SLC9A9: variants seen among roughly 807,000 people sequenced by gnomAD.
The protein encoded by SLC9A9 is solute carrier family 9 member A9.
A neutral mutation model predicts 77.8 loss-of-function variants in SLC9A9; 62 were observed. The observed-to-expected ratio is 0.80, with a 90% CI of 0.65 to 0.98. SLC9A9 has a LOEUF of 0.98. SLC9A9 is among the 50% of genes least tolerant of loss of function. SLC9A9 has a pLI of 0.00. For synonymous variants in SLC9A9, 320 were observed against 283.5 expected (o/e 1.13, Z -1.29); for missense variants, 775 against 774.9 (o/e 1.00, Z 0.00).
intron 6 of SLC9A9, chr3:143,627,610 T>C: frequency 6.4e-6 from 2 of 313,074 alleles, no homozygotes; most frequent in South Asian, 7.6e-5. Context: ...AAAATGAAAT[T>C]GGAAGAGCCA....
Position 143,848,202 on chromosome 3 carries a change from A to G in SLC9A9, c.121T>C (p.Phe41Leu). The G allele has an allele frequency of 1.9e-6, 3 of 1,614,044 alleles. No homozygotes were observed. Among genetic ancestry groups the G allele is most frequent in the Non-Finnish European group, 2.5e-6 (3 of 1,179,942 alleles). ...AAGAAGCGGAATCGATGATTTTTAA[A>G]TAACCAGATTGTCAAAATGGTAAGG... ...LILTILTIWL[F>L]KNHRFRFLHE... The change falls in exon 1 of 16, where the codon TTT (phenylalanine) becomes CTT (leucine). Residue 41 changes from phenylalanine to leucine, a missense_variant. Phe to Leu is a conservative substitution (Grantham distance 22, BLOSUM62 0). Transcript: ENST00000316549.
chr3:143,729,152 A>C (rs72993546), intron 4 of SLC9A9, among the ~76,000 whole-genome samples: 4,266 of 152,172 alleles, frequency 0.028, 204 homozygotes, highest in African/African-American at 0.098. Context: ...ATTTTTTAAA[A>C]CTTAACTTAT....
At chr3:143,549,512 CA>C (rs2036845079) in intron 9 of SLC9A9, among the ~76,000 whole-genome samples, 3 of 152,070 alleles carry the variant, frequency 2.0e-5, no homozygotes, top group South Asian at 2.1e-4. Flanking sequence ...CAGGCACCCC[CA>C]AAAAAAGGCA....
At chr3:143,781,975 T>C (rs1288016864) in intron 4 of SLC9A9, among the ~76,000 whole-genome samples, 1 of 152,204 alleles carries the variant, frequency 6.6e-6, no homozygotes, top group Non-Finnish European at 1.5e-5. Context: ...CTAAATCAGG[T>C]TGAACACCTC....
chr3:143,603,715 T>A (rs1484679784), intron 6 of SLC9A9, among the ~76,000 whole-genome samples: 1 of 152,188 alleles, frequency 6.6e-6, no homozygotes, highest in Non-Finnish European at 1.5e-5. Context: ...TGTGAGATCA[T>A]AAATGTTTGC....
chr3:143,739,671 C>T (rs964635966), intron 4 of SLC9A9, among the ~76,000 whole-genome samples: 9 of 152,178 alleles, frequency 5.9e-5, no homozygotes, highest in Non-Finnish European at 1.0e-4. Context: ...GAAGCTTTTG[C>T]CTTCAGGCAA....
chr3:143,377,518 G>A (rs182997475), intron 13 of SLC9A9, among the ~76,000 whole-genome samples: 5 of 152,216 alleles, frequency 3.3e-5, no homozygotes, highest in Admixed American at 2.6e-4. Flanking sequence ...TGACCAGAAC[G>A]GATCCACCCA....
intron 8 of SLC9A9, among the ~76,000 whole-genome samples, chr3:143,562,505 T>A (rs1283355373): frequency 2.0e-5 from 3 of 152,068 alleles, no homozygotes; most frequent in East Asian, 1.9e-4. Flanking sequence ...TGAATTAATT[T>A]AAAAATTTTT....
chr3:143,541,574 C>T (rs1037029422), intron 9 of SLC9A9, among the ~76,000 whole-genome samples: 2 of 152,154 alleles, frequency 1.3e-5, no homozygotes, highest in Admixed American at 6.5e-5. Flanking sequence ...AACAAATATA[C>T]CAAATGTTTT....
chr3:143,323,013 A>C (rs1428713916), intron 14 of SLC9A9, among the ~76,000 whole-genome samples: 7 of 152,210 alleles, frequency 4.6e-5, no homozygotes, highest in Admixed American at 3.9e-4. Context: ...GAGAAATGCA[A>C]ATCAAAACTA....
intron 13 of SLC9A9, among the ~76,000 whole-genome samples, chr3:143,364,781 C>T (rs1183934648): frequency 1.3e-5 from 2 of 152,174 alleles, no homozygotes; most frequent in Non-Finnish European, 2.9e-5. Context: ...AGCAGAGACT[C>T]ACAATGAAAT....
At chr3:143,726,738 A>AC (rs1400661064) in intron 4 of SLC9A9, among the ~76,000 whole-genome samples, 2 of 151,352 alleles carry the variant, frequency 1.3e-5, no homozygotes, top group Non-Finnish European at 2.9e-5. Flanking sequence ...CATTGCCTGA[A>AC]AAAAAAAATC....
chr3:143,397,444 C>T (rs1414790689), intron 12 of SLC9A9, among the ~76,000 whole-genome samples: 2 of 152,268 alleles, frequency 1.3e-5, no homozygotes, highest in East Asian at 3.9e-4. Context: ...GTTGTAGGAG[C>T]TTTATATGTT....
intron 12 of SLC9A9, among the ~76,000 whole-genome samples, chr3:143,442,997 G>A (rs1446976087): frequency 1.3e-5 from 2 of 152,142 alleles, no homozygotes; most frequent in Non-Finnish European, 2.9e-5. Flanking sequence ...ACTTAAGCAT[G>A]ATCAACTGCC....
At chr3:143,392,420 A>C (rs1003370353) in intron 12 of SLC9A9, among the ~76,000 whole-genome samples, 2 of 152,228 alleles carry the variant, frequency 1.3e-5, no homozygotes, top group Non-Finnish European at 2.9e-5. Flanking sequence ...TGTCACTGCC[A>C]GGCTTGCCCT....
At chr3:143,347,443 A>G (rs571800239) in intron 14 of SLC9A9, among the ~76,000 whole-genome samples, 144 of 152,336 alleles carry the variant, frequency 9.5e-4, no homozygotes, top group African/African-American at 3.2e-3. Context: ...ATGAAATTCT[A>G]TCTTCCCCCA....
At chr3:143,804,548 A>G (rs1185414292) in intron 2 of SLC9A9, among the ~76,000 whole-genome samples, 1 of 152,048 alleles carries the variant, frequency 6.6e-6, no homozygotes, top group Non-Finnish European at 1.5e-5. Flanking sequence ...TTTACTTTGC[A>G]TCTCCAGTTT....
chr3:143,457,997 T>A (rs2035123498), intron 12 of SLC9A9, among the ~76,000 whole-genome samples: 1 of 152,190 alleles, frequency 6.6e-6, no homozygotes, highest in Admixed American at 6.5e-5. Context: ...AGATTTTCTA[T>A]CTACTTGTTA....
chr3:143,680,003 C>T (rs140830809), intron 5 of SLC9A9, among the ~76,000 whole-genome samples: 18 of 151,972 alleles, frequency 1.2e-4, no homozygotes, highest in Non-Finnish European at 2.4e-4. Flanking sequence ...AGGAACTCCT[C>T]CAGCAGGAAG....
Sources: gnomAD v4.1 joint callset for allele counts (sites outside exome capture counted in the v4.1 genomes callset) on GRCh38, gnomAD v4.1.1 for gene constraint, MANE v1.5 for transcripts, NCBI Gene and HGNC (gene_info 2026-07-23, HGNC 2026-07-21) for gene names.